TBC1D14: variants seen among roughly 807,000 people sequenced by gnomAD.
TBC1D14 encodes the protein TBC1 domain family member 14.
A neutral mutation model predicts 79.0 loss-of-function variants in TBC1D14; 26 were observed. That is an observed-to-expected ratio of 0.33 (90% CI 0.24 to 0.46). The LOEUF (loss-of-function observed/expected upper bound fraction) is 0.46. Among genes scored for constraint, TBC1D14 ranks in the 20% least tolerant of loss-of-function variants. The probability of loss-of-function intolerance (pLI) is 1.00; values close to 1 mark genes in which losing one functional copy is unlikely to be tolerated. For missense variants in TBC1D14, 769 were observed against 887.6 expected, an observed-to-expected ratio of 0.87 and a Z score of 1.70; for synonymous variants, 394 against 349.9, an observed-to-expected ratio of 1.13 and a Z score of -1.40.
At chr4:7,017,355 C>G (rs774004762) in intron 12 of TBC1D14, among the ~76,000 whole-genome samples, 13 of 152,108 alleles carry the variant, frequency 8.5e-5, no homozygotes, top group Non-Finnish European at 1.3e-4. Context: ...GTGCCTTGGC[C>G]AAGGTCCTGA....
intron 2 of TBC1D14, among the ~76,000 whole-genome samples, chr4:6,941,180 C>CTTT (rs35201238): frequency 0.017 from 1,465 of 87,738 alleles, 74 homozygotes; most frequent in Middle Eastern, 0.037. Context: ...AGGAAAGCAG[C>CTTT]TTTTTTTTTT....
At chr4:6,927,900 A>G (rs886457432) in intron 2 of TBC1D14, among the ~76,000 whole-genome samples, 8 of 152,222 alleles carry the variant, frequency 5.3e-5, no homozygotes, top group South Asian at 2.1e-4. Flanking sequence ...GAGTGGGACC[A>G]TGTTAAGGGA....
At position 6,996,315 on chromosome 4, in the gene TBC1D14, T is replaced by A. The variant is rs781511428; in HGVS notation, c.963-10T>A. On this transcript the variant is annotated splice_polypyrimidine_tract_variant and intron_variant, in intron 4 of 13. Transcript: ENST00000409757. ...TTATAATGGTGAAAACTCATTTCTT[T>A]CCTGTCAAGAAATCTCCCAGCAAAA... 6.2e-7 allele frequency: 1 copy of A among 1,610,936 alleles called. No individual in the cohort carries two copies. The highest frequency in any genetic ancestry group is 1.1e-5 in the South Asian group (1 of 90,990).
intron 3 of TBC1D14, among the ~76,000 whole-genome samples, chr4:6,991,026 G>A (rs1227495841): frequency 6.6e-6 from 1 of 152,210 alleles, no homozygotes; most frequent in Non-Finnish European, 1.5e-5. Context: ...TGGGAGAACC[G>A]GGTCTAGAGC....
At chr4:6,989,607 C>T (rs946898511) in intron 3 of TBC1D14, among the ~76,000 whole-genome samples, 2 of 152,198 alleles carry the variant, frequency 1.3e-5, no homozygotes, top group Admixed American at 6.5e-5. Context: ...CCTCTGCCTG[C>T]ATCGTATTGC....
chr4:6,967,351 A>T lies in TBC1D14; in HGVS notation c.770A>T (p.Asp257Val). Residue 257 changes from aspartate to valine, a missense_variant, in exon 3 of 14, where the codon GAC (aspartate) becomes GTC (valine). Physicochemically the swap from Asp to Val is radical, Grantham distance 152. Transcript: ENST00000409757. ...KQSARLDKHN[D>V]LGWKLFGKAP... ...AGTGCAAGGCTTGACAAACACAATG[A>T]CTTGGGATGGAAGTTATTTGGGAAA... 6.2e-7 allele frequency: 1 copy of T among 1,614,100 alleles called. No homozygotes were observed. The highest frequency in any genetic ancestry group is 8.5e-7 in the Non-Finnish European group (1 of 1,180,022).
chr4:6,954,367 C>T (rs1013082424), intron 2 of TBC1D14: 1 of 717,484 alleles, frequency 1.4e-6, no homozygotes. Flanking sequence ...GCCTTTCTTG[C>T]TGTTGGAACT....
intron 5 of TBC1D14, among the ~76,000 whole-genome samples, chr4:6,997,968 T>A (rs746124735): frequency 7.5e-4 from 114 of 152,212 alleles, no homozygotes; most frequent in Non-Finnish European, 1.3e-3. Flanking sequence ...TGAATGTTCT[T>A]AATGCCACTG....
chr4:7,001,469 T>A (rs1719667155), intron 7 of TBC1D14: 2 of 510,452 alleles, frequency 3.9e-6, no homozygotes, highest in South Asian at 4.6e-5. Context: ...AGCTCTTGAA[T>A]AGAGGGGGCT....
intron 13 of TBC1D14, among the ~76,000 whole-genome samples, chr4:7,026,312 G>A (rs576274386): frequency 6.6e-6 from 1 of 152,158 alleles, no homozygotes; most frequent in Non-Finnish European, 1.5e-5. Context: ...ATATTGAAGC[G>A]AGTCCCAGGC....
At chr4:7,007,899 G>GC (rs973488274) in intron 9 of TBC1D14, among the ~76,000 whole-genome samples, 3 of 152,094 alleles carry the variant, frequency 2.0e-5, no homozygotes, top group African/African-American at 7.2e-5. Flanking sequence ...CGGTTCACGT[G>GC]CCCCCTCACC....
chr4:6,961,684 C>T (rs538271536), intron 2 of TBC1D14, among the ~76,000 whole-genome samples: 2 of 152,242 alleles, frequency 1.3e-5, no homozygotes, highest in South Asian at 4.2e-4. Context: ...TGGCGTGGTC[C>T]ACTTGTGCTT....
chr4:6,915,380 A>G (rs1052307148), intron 1 of TBC1D14, among the ~76,000 whole-genome samples: 2 of 152,180 alleles, frequency 1.3e-5, no homozygotes, highest in African/African-American at 4.8e-5. Context: ...GCACCTGCTC[A>G]GCCCAGTTTT....
chr4:6,990,399 A>G (rs1420408956), intron 3 of TBC1D14, among the ~76,000 whole-genome samples: 1 of 152,250 alleles, frequency 6.6e-6, no homozygotes, highest in Non-Finnish European at 1.5e-5. Flanking sequence ...CAGTGAGCCA[A>G]GGTTGCACCA....
chr4:6,975,203 C>T (rs955878412), intron 3 of TBC1D14, among the ~76,000 whole-genome samples: 7 of 151,074 alleles, frequency 4.6e-5, no homozygotes, highest in African/African-American at 9.8e-5. Context: ...CATGAGCCGC[C>T]GCGCCCGGCC....
intron 2 of TBC1D14, among the ~76,000 whole-genome samples, chr4:6,933,237 A>ACCTCTCCTCCCCTCCCCTCC (rs1711929575): frequency 2.5e-4 from 6 of 24,262 alleles, no homozygotes. Flanking sequence ...ATTGAGAATT[A>ACCTCTCCTCCCCTCCCCTCC]CCTCCCCTCC....
At chr4:7,014,405 T>C (rs761268350) in intron 11 of TBC1D14, 43 bp from the exon 12 acceptor site, 1 of 1,359,548 alleles carries the variant, frequency 7.4e-7, no homozygotes. Flanking sequence ...AATTGAAAAC[T>C]TGTGCAGATA....
chr4:6,924,206 G>A, intron 2 of TBC1D14, 95 bp downstream of exon 2: 3 of 1,456,738 alleles, frequency 2.1e-6, no homozygotes, highest in African/African-American at 1.4e-5. Context: ...TCTCTGTGGT[G>A]TTAGGCAGGC....
At chr4:7,015,575 A>G (rs1279049483) in intron 12 of TBC1D14, among the ~76,000 whole-genome samples, 6 of 152,138 alleles carry the variant, frequency 3.9e-5, no homozygotes, top group African/African-American at 1.4e-4. Flanking sequence ...CTGTGGTGAA[A>G]GGGGTTGCTG....
Sources: allele counts gnomAD v4.1 joint callset (sites outside exome capture counted in the v4.1 genomes callset), GRCh38; gene constraint gnomAD v4.1.1; transcripts MANE v1.5; gene names NCBI Gene and HGNC (gene_info 2026-07-23, HGNC 2026-07-21).